Variants in CDC42BPB observed in about 807,000 individuals in gnomAD.
CDC42BPB encodes serine/threonine-protein kinase MRCK beta.
In CDC42BPB, 37 loss-of-function variants were observed where a neutral mutation model predicts 214.9. The ratio of observed to expected loss-of-function variants is 0.17; its 90% confidence interval spans 0.13 to 0.23. The LOEUF is 0.23. Among genes scored for constraint, CDC42BPB ranks in the 10% least tolerant of loss-of-function variants. CDC42BPB has a pLI of 1.00. For missense variants in CDC42BPB, 1,694 were observed against 2,227.0 expected, an observed-to-expected ratio of 0.76 and a Z score of 4.82; for synonymous variants, 931 against 884.0, an observed-to-expected ratio of 1.05 and a Z score of -0.94.
At chr14:102,991,398 G>C (rs888180149) in intron 5 of CDC42BPB, among the ~76,000 whole-genome samples, 1 of 152,170 alleles carries the variant, frequency 6.6e-6, no homozygotes, top group Non-Finnish European at 1.5e-5. Context: ...TCACAACAAA[G>C]GAAGGATGAG....
Position 103,015,733 on chromosome 14 carries a change from ACAGAGTCTAG to A in CDC42BPB, c.176-3555_176-3546del, listed in dbSNP as rs534267198. ...GAAGAGGCTGGAATTTTTATTTGAG[ACAGAGTCTAG>A]CTTTGTTGCCAGGCTGGAGTGCAGT... On this transcript the variant is annotated intron_variant, in intron 1 of 36. Transcript: ENST00000361246. 3.7e-4 allele frequency among the ~76,000 whole-genome samples: 56 copies of A among 152,236 alleles called. 1 individual carries two copies. Among genetic ancestry groups the A allele is most frequent in the African/African-American group, 1.3e-3 (54 of 41,534 alleles).
chr14:102,997,794 C>G (rs1449215604), intron 5 of CDC42BPB, among the ~76,000 whole-genome samples: 2 of 152,218 alleles, frequency 1.3e-5, no homozygotes, highest in Non-Finnish European at 2.9e-5. Flanking sequence ...ACAGTATTAT[C>G]AACACCAAAT....
rs2139406425 is a variant in CDC42BPB, at chr14:102,954,253, C to G, written c.3011G>C (p.Arg1004Thr). The change falls in exon 23 of 37, where the codon AGG (arginine) becomes ACG (threonine). Residue 1004 changes from arginine (R) to threonine (T), a missense_variant. By Grantham distance (71) the Arg-to-Thr change is moderately conservative. This residue lies in a region of CDC42BPB where 156 missense variants were observed against 154.5 expected (regional missense o/e 1.01). Transcript: ENST00000361246. Reference protein sequence around the residue: ...QQEDMARPPQRPSAVPLPTTQ... With the variant: ...QQEDMARPPQTPSAVPLPTTQ... ...GGTGGGCAACGGCACAGCGGATGGC[C>G]TCTGCGGGGGCCGAGCCATGTCCTG... is the stretch of plus-strand genomic sequence containing the variant. The G allele has an allele frequency of 6.5e-7, 1 of 1,539,106 alleles. No individual in the cohort carries two copies. The highest frequency in any genetic ancestry group is 1.2e-5 in the South Asian group (1 of 81,564).
rs372898174 is a variant in CDC42BPB, at chr14:103,024,075, C to T, written c.176-11887G>A. 1.2e-4 allele frequency among the ~76,000 whole-genome samples: 18 copies of T among 152,294 alleles called. 1 individual carries two copies. Among genetic ancestry groups the T allele is most frequent in the East Asian group, 1.9e-4 (1 of 5,182 alleles). On this transcript the variant is annotated intron_variant, in intron 1 of 36. Coordinates refer to ENST00000361246, the MANE Select transcript of CDC42BPB (RefSeq NM_006035.4). ...GAATCCTCACTCCTTCCTAGTACAACGCCAGAGTAGTCCTAAATATATACA... is the reference window on the plus strand; with the variant it reads ...GAATCCTCACTCCTTCCTAGTACAATGCCAGAGTAGTCCTAAATATATACA...
intron 14 of CDC42BPB, 171 bp from the exon 15 acceptor site, chr14:102,968,887 G>C (rs947029482): frequency 1.0e-6 from 1 of 985,334 alleles, no homozygotes; most frequent in Admixed American, 6.1e-5. Context: ...AGGTTCTAGG[G>C]GGTCACAGCA....
At chr14:103,039,011 A>C (rs1029281652) in intron 1 of CDC42BPB, among the ~76,000 whole-genome samples, 2 of 152,138 alleles carry the variant, frequency 1.3e-5, no homozygotes, top group Admixed American at 1.3e-4. Context: ...GTATGCCAAC[A>C]AATTAGATAA....
In CDC42BPB at chr14:102,941,536, C is replaced by T; in HGVS notation, c.4409-1212G>A. 2 of 985,478 alleles carry T rather than the reference C, an allele frequency of 2.0e-6. 1 individual carries two copies. Among genetic ancestry groups the T allele is most frequent in the South Asian group, 9.4e-5 (2 of 21,288 alleles). 61.0% of individuals were successfully genotyped at this position (985,478 alleles called of 1,614,324 possible). ...GAACCAAGTCAAAAGCAGCCCCAGA[C>T]ACTGCCCTTCAGGGAACCACTCTCC... On this transcript the variant is annotated intron_variant, in intron 30 of 36. Transcript: ENST00000361246.
At chr14:102,963,950 G>A (rs770683885) in intron 19 of CDC42BPB, among the ~76,000 whole-genome samples, 16 of 152,148 alleles carry the variant, frequency 1.1e-4, no homozygotes, top group Non-Finnish European at 1.6e-4. Context: ...TGAAACTGAC[G>A]TTCATTATCG....
At chr14:103,045,492 C>A (rs1274206150) in intron 1 of CDC42BPB, among the ~76,000 whole-genome samples, 1 of 151,810 alleles carries the variant, frequency 6.6e-6, no homozygotes, top group Non-Finnish European at 1.5e-5. Flanking sequence ...TGTCCAGCCA[C>A]CCGAGGAGCA....
At chr14:102,984,243 T>C (rs1043923692) in intron 6 of CDC42BPB, among the ~76,000 whole-genome samples, 7 of 152,198 alleles carry the variant, frequency 4.6e-5, no homozygotes, top group African/African-American at 1.7e-4. Flanking sequence ...CCCAGTGTGA[T>C]GCAGGGGCCA....
intron 36 of CDC42BPB, among the ~76,000 whole-genome samples, chr14:102,937,484 T>TG (rs1203611223): frequency 6.6e-6 from 1 of 152,216 alleles, no homozygotes; most frequent in Non-Finnish European, 1.5e-5. Context: ...GAGATGAGCA[T>TG]GGCCCCTCCG....
chr14:103,021,805 T>G (rs1886789504), intron 1 of CDC42BPB, among the ~76,000 whole-genome samples: 1 of 151,422 alleles, frequency 6.6e-6, no homozygotes, highest in African/African-American at 2.4e-5. Context: ...CAGGCGGGGA[T>G]CATGTGGTGC....
intron 13 of CDC42BPB, 90 bp downstream of exon 13, chr14:102,971,829 A>T: frequency 1.5e-6 from 2 of 1,369,514 alleles, no homozygotes; most frequent in Non-Finnish European, 2.0e-6. Flanking sequence ...GACCCCTTTT[A>T]CAGTAATGCA....
intron 5 of CDC42BPB, among the ~76,000 whole-genome samples, chr14:102,996,812 C>CAA (rs34138749): frequency 0.032 from 3,963 of 124,806 alleles, 121 homozygotes; most frequent in Middle Eastern, 0.12. Flanking sequence ...GACTCCATCT[C>CAA]AAAAAAAAAA....
intron 23 of CDC42BPB, chr14:102,952,876 G>C: frequency 3.6e-6 from 1 of 278,892 alleles, no homozygotes; most frequent in Non-Finnish European, 5.4e-6. Context: ...CCAGAGGGCC[G>C]AGGTGGCATG....
chr14:103,013,940 C>G (rs563234779), intron 1 of CDC42BPB, among the ~76,000 whole-genome samples: 3 of 152,054 alleles, frequency 2.0e-5, no homozygotes, highest in Admixed American at 1.3e-4. Context: ...CCGAGGCGGG[C>G]GGATCACGAG....
chr14:103,012,045 T>G (rs373081236), intron 2 of CDC42BPB, 52 bp downstream of exon 2: 10 of 1,112,886 alleles, frequency 9.0e-6, no homozygotes, highest in African/African-American at 1.5e-5. Flanking sequence ...AAATGGAAGC[T>G]GCTGATGTTT....
Position 103,057,357 on chromosome 14 carries a change from G to C in CDC42BPB, c.-184C>G. 9.9e-7 allele frequency: 1 copy of C among 1,012,500 alleles called. No homozygotes were observed. Among genetic ancestry groups the C allele is most frequent in the Non-Finnish European group, 1.2e-6 (1 of 848,676 alleles). The allele number at this position is 1,012,500 out of a possible 1,614,324, so 62.7% of individuals were successfully genotyped here. On this transcript the variant is annotated 5_prime_UTR_variant, in exon 1 of 37. Transcript: ENST00000361246. ...TCTTGGGCTCCGTCCCGACGGCGCAGAGTCTGGGGCGCCGGGCCCCGCGGG... is the reference window on the plus strand; with the variant it reads ...TCTTGGGCTCCGTCCCGACGGCGCACAGTCTGGGGCGCCGGGCCCCGCGGG...
At chr14:102,993,404 C>T (rs1894585268) in intron 5 of CDC42BPB, among the ~76,000 whole-genome samples, 2 of 152,140 alleles carry the variant, frequency 1.3e-5, no homozygotes, top group South Asian at 2.1e-4. Flanking sequence ...GCCAAGAGCA[C>T]GTCTATTAAC....
Sources: allele counts gnomAD v4.1 joint callset (sites outside exome capture counted in the v4.1 genomes callset), GRCh38; gene constraint gnomAD v4.1.1; regional missense constraint gnomAD v4.1.1; transcripts MANE v1.5; gene names NCBI Gene and HGNC (gene_info 2026-07-23, HGNC 2026-07-21).